Variants in RELN observed in about 807,000 individuals in gnomAD.
RELN encodes reelin.
Under a neutral mutation model 427.6 loss-of-function variants are expected in RELN, and 108 were observed. The observed-to-expected ratio is 0.25, with a 90% confidence interval of 0.22 to 0.30. The LOEUF is 0.30. Ranked by LOEUF, RELN falls within the 10% of genes least tolerant of loss-of-function variation. The pLI, the probability that RELN is intolerant of heterozygous loss-of-function variation, is 1.00. For synonymous variants in RELN, 1,524 were observed against 1,513.4 expected (o/e 1.01, Z -0.16); for missense variants, 3,715 against 4,302.8 (o/e 0.86, Z 3.82).
intron 2 of RELN, among the ~76,000 whole-genome samples, chr7:103,912,595 T>C (rs1016358634): frequency 6.6e-6 from 1 of 152,172 alleles, no homozygotes; most frequent in African/African-American, 2.4e-5. Flanking sequence ...AGTGCTATAA[T>C]GGCTGATGTA....
intron 4 of RELN, among the ~76,000 whole-genome samples, chr7:103,758,064 T>C (rs991752006): frequency 4.6e-5 from 7 of 152,210 alleles, no homozygotes; most frequent in Non-Finnish European, 7.3e-5. Flanking sequence ...AATATCCAAT[T>C]CTGTTAAGAG....
intron 1 of RELN, among the ~76,000 whole-genome samples, chr7:103,980,275 G>A (rs1477951530): frequency 6.6e-6 from 1 of 151,806 alleles, no homozygotes; most frequent in East Asian, 1.9e-4. Context: ...TATTTTGAAG[G>A]CATGTTAACT....
At chr7:103,737,072 A>G (rs1790512665) in intron 6 of RELN, among the ~76,000 whole-genome samples, 1 of 152,070 alleles carries the variant, frequency 6.6e-6, no homozygotes, top group Non-Finnish European at 1.5e-5. Flanking sequence ...AAAGATTCAT[A>G]TATGATCAAA....
intron 2 of RELN, among the ~76,000 whole-genome samples, chr7:103,840,689 C>CTT (rs760957130): frequency 6.6e-6 from 1 of 152,166 alleles, no homozygotes; most frequent in African/African-American, 2.4e-5. Flanking sequence ...CCATGGTGAT[C>CTT]TTTTTAATGC....
chr7:103,790,890 A>T (rs1476699418), intron 3 of RELN, among the ~76,000 whole-genome samples: 1 of 152,106 alleles, frequency 6.6e-6, no homozygotes, highest in Non-Finnish European at 1.5e-5. Context: ...TGAATCTGGG[A>T]GGCGGAGGTT....
At chr7:103,746,402 T>A (rs989833075) in intron 6 of RELN, among the ~76,000 whole-genome samples, 3 of 151,938 alleles carry the variant, frequency 2.0e-5, no homozygotes, top group East Asian at 3.9e-4. Context: ...GCAACAAAAG[T>A]CAAAATTGAC....
intron 4 of RELN, among the ~76,000 whole-genome samples, chr7:103,757,050 A>C (rs1791176454): frequency 6.6e-6 from 1 of 152,178 alleles, no homozygotes; most frequent in African/African-American, 2.4e-5. Context: ...TACTGAGGTA[A>C]ATGCACCACG....
chr7:103,540,242 T>G lies in RELN; in HGVS notation c.6885A>C (p.Gln2295His). The change falls in exon 44 of 65, where the codon CAA (glutamine) becomes CAC (histidine). Residue 2295 changes from glutamine (Q) to histidine (H), a missense_variant. Physicochemically the swap from Gln to His is conservative, Grantham distance 24. Coordinates refer to ENST00000428762, the MANE Select transcript of RELN (RefSeq NM_005045.4). ...TGTAGAAGTGCCCATTCTCAGACGG[T>G]TGCCACCAGCGAAGGCGAGTAGAAC... is the stretch of plus-strand genomic sequence containing the variant. The part of the protein sequence containing the change: ...RSGSTRLRWW[Q>H]PSENGHFYSP... 6.2e-7 allele frequency: 1 copy of G among 1,614,154 alleles called. No homozygotes were observed. The highest frequency in any genetic ancestry group is 8.5e-7 in the Non-Finnish European group (1 of 1,180,018).
At chr7:103,877,712 C>T (rs896342554) in intron 2 of RELN, among the ~76,000 whole-genome samples, 1 of 152,086 alleles carries the variant, frequency 6.6e-6, no homozygotes, top group Non-Finnish European at 1.5e-5. Flanking sequence ...TTTCTCAGGA[C>T]TCCATCTTCC....
chr7:103,665,986 T>G (rs1356282489), intron 11 of RELN, among the ~76,000 whole-genome samples: 1 of 152,106 alleles, frequency 6.6e-6, no homozygotes, highest in Non-Finnish European at 1.5e-5. Context: ...TTTCTATATT[T>G]TTACCTTTAT....
In RELN at chr7:103,671,691, C is replaced by A. The variant is rs1206613295; in HGVS notation, c.1290-10164G>T. Among the ~76,000 whole-genome samples the A allele has an allele frequency of 3.9e-5, 6 of 152,196 alleles. No individual in the cohort carries two copies. In the East Asian group the frequency reaches 1.2e-3, roughly 29 times the overall value. ...TTAGATGAAGTTGCAGTACAGTATGCAAAGTGTTATTGCTCAAGCAATCTT... is the reference window on the plus strand; with the variant it reads ...TTAGATGAAGTTGCAGTACAGTATGAAAAGTGTTATTGCTCAAGCAATCTT... On this transcript the variant is annotated intron_variant, in intron 11 of 64. Coordinates refer to ENST00000428762, the MANE Select transcript of RELN (RefSeq NM_005045.4).
intron 19 of RELN, among the ~76,000 whole-genome samples, chr7:103,633,661 T>A (rs1832518145): frequency 6.6e-6 from 1 of 152,114 alleles, no homozygotes; most frequent in Non-Finnish European, 1.5e-5. Flanking sequence ...GCCTTTGCAA[T>A]AGCACATTAA....
chr7:103,695,092 G>T (rs1833950639), intron 10 of RELN, among the ~76,000 whole-genome samples: 1 of 152,154 alleles, frequency 6.6e-6, no homozygotes, highest in South Asian at 2.1e-4. Flanking sequence ...TTTCTAATTT[G>T]CTGTATTTAG....
intron 8 of RELN, among the ~76,000 whole-genome samples, chr7:103,720,173 T>TTG (rs72036005): frequency 0.044 from 6,433 of 145,602 alleles, 164 homozygotes; most frequent in African/African-American, 0.077. Flanking sequence ...TGTATAAACA[T>TTG]TGTGTGTGTG....
intron 34 of RELN, 94 bp downstream of exon 34, chr7:103,565,184 A>G: frequency 6.8e-7 from 1 of 1,467,242 alleles, no homozygotes; most frequent in Non-Finnish European, 9.5e-7. Flanking sequence ...TTATCATGAA[A>G]GAATAATAGA....
intron 8 of RELN, among the ~76,000 whole-genome samples, chr7:103,701,411 ACAC>A (rs1834088982): frequency 6.6e-6 from 1 of 152,104 alleles, no homozygotes; most frequent in Non-Finnish European, 1.5e-5. Flanking sequence ...AGGAATAAAA[ACAC>A]CATTATTTTT....
chr7:103,534,813 C>T (rs867629966), intron 46 of RELN, among the ~76,000 whole-genome samples: 1 of 152,108 alleles, frequency 6.6e-6, no homozygotes, highest in African/African-American at 2.4e-5. Context: ...TAAAATAATG[C>T]TTCAGGTGAT....
chr7:103,875,652 C>T (rs1200834637), intron 2 of RELN, among the ~76,000 whole-genome samples: 1 of 152,012 alleles, frequency 6.6e-6, no homozygotes, highest in Non-Finnish European at 1.5e-5. Context: ...CTACGACTTA[C>T]TTCTTAAATG....
intron 38 of RELN, among the ~76,000 whole-genome samples, chr7:103,555,637 A>C (rs1182193044): frequency 6.6e-6 from 1 of 151,940 alleles, no homozygotes; most frequent in Non-Finnish European, 1.5e-5. Context: ...ACGCCCAGCT[A>C]ATTTTTTTGT....
Sources: allele counts gnomAD v4.1 joint callset (sites outside exome capture counted in the v4.1 genomes callset), GRCh38; gene constraint gnomAD v4.1.1; transcripts MANE v1.5; gene names NCBI Gene and HGNC (gene_info 2026-07-23, HGNC 2026-07-21).